IMPA1: variants seen among roughly 807,000 people sequenced by gnomAD.
The protein encoded by IMPA1 is inositol monophosphatase 1.
In IMPA1, 21 loss-of-function variants were observed where a neutral mutation model predicts 34.9. That is an observed-to-expected ratio of 0.60 (90% CI 0.43 to 0.87). IMPA1 has a LOEUF of 0.87. Among genes scored for constraint, IMPA1 ranks in the 40% least tolerant of loss-of-function variants. IMPA1 has a pLI of 0.00. For synonymous variants in IMPA1, 95 were observed against 104.4 expected (o/e 0.91, Z 0.55); for missense variants, 299 against 336.4 (o/e 0.89, Z 0.87).
At chr8:81,668,934 C>T (rs1259587832) in intron 7 of IMPA1, among the ~76,000 whole-genome samples, 1 of 152,168 alleles carries the variant, frequency 6.6e-6, no homozygotes, top group Admixed American at 6.5e-5. Context: ...TACATCCCAG[C>T]CAAGGTCAAG....
chr8:81,684,306 T>C (rs1427655886), intron 1 of IMPA1, among the ~76,000 whole-genome samples: 2 of 138,460 alleles, frequency 1.4e-5, no homozygotes, highest in South Asian at 2.3e-4. Flanking sequence ...ATATATAGTA[T>C]ATATACCATA....
chr8:81,681,238 A>G (rs1286303576), intron 2 of IMPA1, among the ~76,000 whole-genome samples: 1 of 152,156 alleles, frequency 6.6e-6, no homozygotes, highest in African/African-American at 2.4e-5. Flanking sequence ...TTAAAAAATG[A>G]AAAGTAGCTG....
At chr8:81,681,677 G>T in intron 1 of IMPA1, 93 bp from the exon 2 acceptor site, 2 of 723,222 alleles carry the variant, frequency 2.8e-6, no homozygotes, top group South Asian at 1.6e-5. Context: ...TGTCATTTCA[G>T]GATTCACCCC....
At position 81,680,760 on chromosome 8, in the gene IMPA1, A is replaced by AT; in HGVS notation, c.86dup (p.Asn29LysfsTer2). The AT allele has an allele frequency of 1.9e-6, 3 of 1,608,270 alleles. No homozygotes were observed. The highest frequency in any genetic ancestry group is 4.5e-5 in the East Asian group (2 of 44,840). ...AACTTTTCAGCATAACATTCATTTCATTTTTTATAGCTTCACAAACTACCT... is the reference window on the plus strand; with the variant it reads ...AACTTTTCAGCATAACATTCATTTCATTTTTTTATAGCTTCACAAACTACCT... On this transcript the variant is annotated frameshift_variant, in exon 3 of 9. Coordinates refer to ENST00000256108, the MANE Select transcript of IMPA1 (RefSeq NM_005536.4). LOFTEE classifies it high-confidence loss of function.
At chr8:81,679,773 T>C (rs1807238199) in intron 3 of IMPA1, among the ~76,000 whole-genome samples, 1 of 152,158 alleles carries the variant, frequency 6.6e-6, no homozygotes, top group Non-Finnish European at 1.5e-5. Context: ...TATAAGATGT[T>C]ATACTAGGGT....
chr8:81,665,919 A>T (rs1300036768), intron 7 of IMPA1, among the ~76,000 whole-genome samples: 2 of 152,222 alleles, frequency 1.3e-5, no homozygotes, highest in African/African-American at 4.8e-5. Flanking sequence ...ACTCAGGGAA[A>T]ACTGTGCACA....
intron 7 of IMPA1, among the ~76,000 whole-genome samples, chr8:81,667,093 A>AT (rs1449132342): frequency 6.6e-6 from 1 of 152,120 alleles, no homozygotes; most frequent in Admixed American, 6.6e-5. Flanking sequence ...AGACTGATAC[A>AT]TCAGAGACTC....
intron 1 of IMPA1, among the ~76,000 whole-genome samples, chr8:81,682,878 C>A (rs757680723): frequency 2.0e-4 from 31 of 152,214 alleles, no homozygotes; most frequent in Non-Finnish European, 8.8e-5. Flanking sequence ...CTATTGTATG[C>A]TATACACTGC....
chr8:81,667,361 T>C (rs566422674), intron 7 of IMPA1, among the ~76,000 whole-genome samples: 4 of 152,282 alleles, frequency 2.6e-5, no homozygotes, highest in South Asian at 2.1e-4. Flanking sequence ...GGTTGAATGT[T>C]TGTCCCCTCC....
intron 7 of IMPA1, among the ~76,000 whole-genome samples, chr8:81,662,851 T>C (rs1806718160): frequency 6.6e-6 from 1 of 152,234 alleles, no homozygotes. Context: ...GTGAATTTCA[T>C]CTACATGAAT....
chr8:81,672,575 G>A (rs1807016933), intron 6 of IMPA1, among the ~76,000 whole-genome samples: 1 of 152,146 alleles, frequency 6.6e-6, no homozygotes, highest in Non-Finnish European at 1.5e-5. Context: ...CCCTCTCCCA[G>A]TGTGTCCCTT....
intron 7 of IMPA1, among the ~76,000 whole-genome samples, chr8:81,661,473 G>A (rs534678309): frequency 1.4e-4 from 22 of 152,302 alleles, no homozygotes; most frequent in South Asian, 2.1e-4. Context: ...TTACTTTTGC[G>A]GCATTCCTGC....
chr8:81,662,778 CT>C (rs137947800), intron 7 of IMPA1, among the ~76,000 whole-genome samples: 73 of 152,166 alleles, frequency 4.8e-4, no homozygotes, highest in Non-Finnish European at 9.0e-4. Flanking sequence ...ATAAAAATAG[CT>C]TTTTTTATGA....
At chr8:81,669,161 A>C (rs1806918798) in intron 7 of IMPA1, among the ~76,000 whole-genome samples, 10 of 152,154 alleles carry the variant, frequency 6.6e-5, no homozygotes, top group Admixed American at 6.5e-4. Flanking sequence ...GTGGTAGCTG[A>C]GAATCTCCAC....
chr8:81,671,204 T>A (rs1806979933), intron 6 of IMPA1, among the ~76,000 whole-genome samples, 157 bp from the exon 7 acceptor site: 1 of 152,216 alleles, frequency 6.6e-6, no homozygotes, highest in Non-Finnish European at 1.5e-5. Flanking sequence ...TATCCCTATG[T>A]GATCCTTTTT....
At chr8:81,666,893 AAAAGC>A in intron 7 of IMPA1, among the ~76,000 whole-genome samples, 1 of 150,888 alleles carries the variant, frequency 6.6e-6, no homozygotes, top group African/African-American at 2.4e-5. Context: ...AAAAAAAAAA[AAAAGC>A]AGGAATTGCA....
At chr8:81,669,539 T>A (rs1420789515) in intron 7 of IMPA1, among the ~76,000 whole-genome samples, 1 of 152,242 alleles carries the variant, frequency 6.6e-6, no homozygotes, top group African/African-American at 2.4e-5. Flanking sequence ...TTCTTTCTTT[T>A]TGCCTAATTT....
chr8:81,680,891 A>T, intron 2 of IMPA1, 108 bp from the exon 3 acceptor site: 1 of 820,182 alleles, frequency 1.2e-6, no homozygotes, highest in Non-Finnish European at 1.9e-6. Context: ...ATATTCTTTA[A>T]AGACATTCTT....
chr8:81,668,703 G>A (rs763028095), intron 7 of IMPA1, among the ~76,000 whole-genome samples: 2 of 152,174 alleles, frequency 1.3e-5, no homozygotes, highest in African/African-American at 4.8e-5. Context: ...GGAGGAAACC[G>A]AGGGTTAGCC....
Sources: gnomAD v4.1 joint callset for allele counts (sites outside exome capture counted in the v4.1 genomes callset) on GRCh38, gnomAD v4.1.1 for gene constraint, MANE v1.5 for transcripts, NCBI Gene and HGNC (gene_info 2026-07-23, HGNC 2026-07-21) for gene names.